The following CSMD1 variants were observed in gnomAD, a reference collection of about 807,000 sequenced individuals.
The protein encoded by CSMD1 is CUB and Sushi multiple domains 1.
CSMD1 carries 213 observed loss-of-function variants against 417.5 expected under a neutral mutation model. The ratio of observed to expected loss-of-function variants is 0.51; its 90% CI spans 0.46 to 0.57. The LOEUF (loss-of-function observed/expected upper bound fraction) is 0.57, where lower values mean the gene tolerates loss of function less well. Among genes scored for constraint, CSMD1 ranks in the 20% least tolerant of loss-of-function variants. CSMD1 has a pLI of 0.00. For missense variants in CSMD1, 6,923 were observed against 4,529.7 expected (o/e 1.53, Z -15.17); for synonymous variants, 2,862 against 1,736.8 (o/e 1.65, Z -16.11).
chr8:3,161,309 T>A (rs1180293633), intron 38 of CSMD1, among the ~76,000 whole-genome samples: 4 of 152,126 alleles, frequency 2.6e-5, no homozygotes, highest in African/African-American at 7.2e-5. Flanking sequence ...AAATCATTCA[T>A]CAAAACTTTT....
chr8:3,551,165 T>G (rs1798893394), intron 10 of CSMD1, among the ~76,000 whole-genome samples: 2 of 152,228 alleles, frequency 1.3e-5, no homozygotes, highest in African/African-American at 4.8e-5. Context: ...TAATGTAGCC[T>G]ATGGCATAGG....
chr8:4,065,758 A>G lies in CSMD1; in HGVS notation c.416-33659T>C, dbSNP rs1799213307. On this transcript the variant is annotated intron_variant, in intron 3 of 69. Transcript: ENST00000635120. ...TCTATCACCAAACACATAAATGCTA[A>G]ATATTTGGGGAACTACAGCAAATAA... 2.0e-5 allele frequency among the ~76,000 whole-genome samples: 3 copies of G among 152,316 alleles called. No homozygotes were observed. In the East Asian group the frequency reaches 5.8e-4, roughly 29 times the overall value.
intron 26 of CSMD1, among the ~76,000 whole-genome samples, chr8:3,247,485 G>A (rs1799958071): frequency 6.6e-6 from 1 of 152,274 alleles, no homozygotes; most frequent in Admixed American, 6.5e-5. Flanking sequence ...CTCAGGAGGA[G>A]AGGCCCAAAG....
intron 11 of CSMD1, among the ~76,000 whole-genome samples, chr8:3,492,677 G>C (rs140199411): frequency 3.3e-5 from 5 of 152,286 alleles, no homozygotes; most frequent in African/African-American, 4.8e-5. Context: ...AGCTGAAGCA[G>C]ATGCCCAGGT....
chr8:3,007,850 A>G, intron 52 of CSMD1, among the ~76,000 whole-genome samples: 1 of 151,786 alleles, frequency 6.6e-6, no homozygotes, highest in Middle Eastern at 3.2e-3. Context: ...GCAGTGCACC[A>G]GCATGGCACA....
chr8:4,347,777 T>G (rs1800857330), intron 3 of CSMD1, among the ~76,000 whole-genome samples: 1 of 152,186 alleles, frequency 6.6e-6, no homozygotes, highest in South Asian at 2.1e-4. Context: ...TGGATAAAGT[T>G]TTAGTAACTC....
chr8:3,409,278 C>T (rs556563704), intron 13 of CSMD1, 145 bp downstream of exon 13: 3 of 616,712 alleles, frequency 4.9e-6, no homozygotes, highest in Non-Finnish European at 7.6e-6. Flanking sequence ...TCGAGAACGT[C>T]CTTGCACGTT....
intron 3 of CSMD1, among the ~76,000 whole-genome samples, chr8:4,098,943 T>G (rs191672081): frequency 6.6e-6 from 1 of 152,172 alleles, no homozygotes; most frequent in African/African-American, 2.4e-5. Flanking sequence ...ACAGAAAAAA[T>G]GTTAAAACTG....
At chr8:4,671,913 G>A (rs1397447109) in intron 1 of CSMD1, among the ~76,000 whole-genome samples, 1 of 152,156 alleles carries the variant, frequency 6.6e-6, no homozygotes, top group Non-Finnish European at 1.5e-5. Flanking sequence ...TGCCAAGCAT[G>A]CCAGTGGAGT....
intron 2 of CSMD1, among the ~76,000 whole-genome samples, chr8:4,627,149 C>A (rs552780196): frequency 6.6e-6 from 1 of 152,062 alleles, no homozygotes; most frequent in East Asian, 1.9e-4. Context: ...TAATATTATG[C>A]GATGAAAACT....
At chr8:3,238,629 G>C (rs907085120) in intron 26 of CSMD1, among the ~76,000 whole-genome samples, 1 of 152,014 alleles carries the variant, frequency 6.6e-6, no homozygotes, top group Non-Finnish European at 1.5e-5. Flanking sequence ...AGAAACATTT[G>C]TCATTTAGAA....
At chr8:4,255,362 C>A (rs1280515221) in intron 3 of CSMD1, among the ~76,000 whole-genome samples, 1 of 152,004 alleles carries the variant, frequency 6.6e-6, no homozygotes, top group Non-Finnish European at 1.5e-5. Context: ...AGCCCAGAGC[C>A]CAGAGAAAGG....
At chr8:4,382,856 A>G (rs959427992) in intron 3 of CSMD1, among the ~76,000 whole-genome samples, 31 of 152,188 alleles carry the variant, frequency 2.0e-4, no homozygotes, top group Non-Finnish European at 1.8e-4. Context: ...CATTTTGCCT[A>G]CAAGGAGCTC....
intron 3 of CSMD1, among the ~76,000 whole-genome samples, chr8:4,368,527 G>C (rs547815812): frequency 7.9e-5 from 12 of 152,098 alleles, no homozygotes; most frequent in Non-Finnish European, 1.3e-4. Context: ...AAATTTTTGG[G>C]AATCATTTTA....
At chr8:3,957,293 T>G (rs942315143) in intron 5 of CSMD1, among the ~76,000 whole-genome samples, 9 of 152,230 alleles carry the variant, frequency 5.9e-5, no homozygotes, top group Non-Finnish European at 1.5e-5. Flanking sequence ...TTTTGTGCCC[T>G]CAGAAATATT....
rs150793209 is a variant in CSMD1, at chr8:3,384,051, G to A, written c.2782+3443C>T. Reference sequence around the variant, plus strand: ...TTAAGGTTCAACCCTGGGAGGCAGTGACTGGGCGAGGCTGTGAAAGCGAAG... The same window carrying A: ...TTAAGGTTCAACCCTGGGAGGCAGTAACTGGGCGAGGCTGTGAAAGCGAAG... On this transcript the variant is annotated intron_variant, in intron 18 of 69. Coordinates refer to ENST00000635120, the MANE Select transcript of CSMD1 (RefSeq NM_033225.6). Among the ~76,000 whole-genome samples the A allele has an allele frequency of 3.3e-3, 502 of 152,172 alleles. 1 individual carries two copies. Among genetic ancestry groups the A allele is most frequent in the African/African-American group, 0.012 (481 of 41,502 alleles).
rs150466813 is a variant in CSMD1, at chr8:4,310,837, A to G, written c.415+109116T>C. ...CTTTGCTTATTTCAGCAGCAAGACTATCTCAAAAGAAATGCCTTCTTCTCA... is the reference window on the plus strand; with the variant it reads ...CTTTGCTTATTTCAGCAGCAAGACTGTCTCAAAAGAAATGCCTTCTTCTCA... On this transcript the variant is annotated intron_variant, in intron 3 of 69. Coordinates refer to ENST00000635120, the MANE Select transcript of CSMD1 (RefSeq NM_033225.6). Among the ~76,000 whole-genome samples, 64 of 152,334 alleles carry G rather than the reference A, an allele frequency of 4.2e-4. No individual in the cohort carries two copies. The East Asian group carries it at 9.5e-3, about 23-fold the overall frequency.
chr8:4,364,844 A>C, intron 3 of CSMD1, among the ~76,000 whole-genome samples: 1 of 141,366 alleles, frequency 7.1e-6, no homozygotes, highest in Non-Finnish European at 1.5e-5. Context: ...AAAAAAAAAA[A>C]AAAAAAAAAA....
chr8:4,772,486 C>T (rs1476653250), intron 1 of CSMD1, among the ~76,000 whole-genome samples: 1 of 152,136 alleles, frequency 6.6e-6, no homozygotes, highest in Non-Finnish European at 1.5e-5. Flanking sequence ...TGGAGCAAAA[C>T]ATAATATAAC....
Sources: allele counts gnomAD v4.1 joint callset (sites outside exome capture counted in the v4.1 genomes callset), GRCh38; gene constraint gnomAD v4.1.1; transcripts MANE v1.5; gene names NCBI Gene and HGNC (gene_info 2026-07-23, HGNC 2026-07-21).